Variants in WDR7 observed in about 807,000 individuals in gnomAD.
WDR7 encodes WD repeat-containing protein 7.
Under a neutral mutation model 169.4 loss-of-function variants are expected in WDR7, and 46 were observed. The ratio of observed to expected loss-of-function variants is 0.27; its 90% confidence interval spans 0.21 to 0.35. The LOEUF (loss-of-function observed/expected upper bound fraction) is 0.35. WDR7 is among the 10% of genes least tolerant of loss of function. WDR7 has a pLI of 1.00. For missense variants in WDR7, 1,534 were observed against 1,859.3 expected (o/e 0.83, Z 3.22); for synonymous variants, 612 against 666.8 (o/e 0.92, Z 1.27).
chr18:56,719,561 CAAAA>C (rs58285674), intron 13 of WDR7, among the ~76,000 whole-genome samples: 1 of 106,238 alleles, frequency 9.4e-6, no homozygotes, highest in Non-Finnish European at 1.8e-5. Flanking sequence ...GACTCTGTCT[CAAAA>C]AAAAAAAAAA....
chr18:56,956,521 C>T (rs375718555), intron 25 of WDR7, among the ~76,000 whole-genome samples: 128 of 152,182 alleles, frequency 8.4e-4, no homozygotes, highest in African/African-American at 2.9e-3. Context: ...TTTGTGGCCC[C>T]GAAAGAGCTC....
chr18:56,908,183 A>G (rs1387123483), intron 21 of WDR7, among the ~76,000 whole-genome samples: 2 of 152,212 alleles, frequency 1.3e-5, no homozygotes, highest in African/African-American at 4.8e-5. Context: ...AGACTTCGAG[A>G]GGAAGAAAAA....
At chr18:56,857,805 C>T (rs947171739) in intron 20 of WDR7, among the ~76,000 whole-genome samples, 1 of 152,054 alleles carries the variant, frequency 6.6e-6, no homozygotes, top group Admixed American at 6.6e-5. Flanking sequence ...AGTATGGGAG[C>T]CCAGAGGACC....
rs557005236 is a variant in WDR7, at chr18:56,814,021, C to A, written c.3191-2010C>A. ...ATGCTGTGATGTTCTGTGACACCTC[C>A]CACCCTGTCCCCAGGAGCTTAGTCC... On this transcript the variant is annotated intron_variant, in intron 19 of 27. Coordinates refer to ENST00000254442, the MANE Select transcript of WDR7 (RefSeq NM_015285.3). 2.0e-5 allele frequency among the ~76,000 whole-genome samples: 3 copies of A among 152,228 alleles called. No individual in the cohort carries two copies. In the East Asian group the frequency reaches 5.8e-4, roughly 29 times the overall value.
At chr18:56,995,062 A>G (rs188365879) in intron 26 of WDR7, among the ~76,000 whole-genome samples, 151 of 150,674 alleles carry the variant, frequency 1.0e-3, no homozygotes, top group African/African-American at 3.5e-3. Context: ...AATATGAGAG[A>G]AAAAAAACTT....
At chr18:56,860,635 C>T (rs989849010) in intron 20 of WDR7, among the ~76,000 whole-genome samples, 2 of 152,120 alleles carry the variant, frequency 1.3e-5, no homozygotes, top group Non-Finnish European at 2.9e-5. Flanking sequence ...AAGTATCATG[C>T]AGTTTAGGAA....
chr18:56,694,290 A>G (rs2025647625), intron 9 of WDR7, among the ~76,000 whole-genome samples: 1 of 151,752 alleles, frequency 6.6e-6, no homozygotes. Flanking sequence ...TAATTATTTA[A>G]TAATAGGCAG....
At chr18:56,832,807 C>T (rs917070130) in intron 20 of WDR7, among the ~76,000 whole-genome samples, 7 of 152,132 alleles carry the variant, frequency 4.6e-5, no homozygotes, top group Non-Finnish European at 1.0e-4. Context: ...ACAAAAAGAA[C>T]ACCCACACAA....
downstream of WDR7, chr18:57,030,057 A>G (rs984364224): frequency 1.3e-5 from 2 of 152,108 alleles, no homozygotes; most frequent in African/African-American, 4.8e-5. Context: ...ATGCTCCCAA[A>G]TAGACTGGTA....
chr18:56,885,512 C>T (rs897621927), intron 21 of WDR7, among the ~76,000 whole-genome samples: 32 of 151,774 alleles, frequency 2.1e-4, no homozygotes, highest in Admixed American at 1.1e-3. Flanking sequence ...GCAATAGAAT[C>T]GAACAAGCAG....
chr18:56,769,734 A>G (rs1223895106), intron 16 of WDR7, among the ~76,000 whole-genome samples: 2 of 152,214 alleles, frequency 1.3e-5, no homozygotes, highest in Non-Finnish European at 2.9e-5. Flanking sequence ...GTCTAAACTT[A>G]GAAGTAAGAG....
intron 26 of WDR7, among the ~76,000 whole-genome samples, chr18:56,995,504 C>T (rs1377829185): frequency 6.6e-6 from 1 of 152,186 alleles, no homozygotes; most frequent in Non-Finnish European, 1.5e-5. Flanking sequence ...TCAGTAAACA[C>T]TGCTGAGATT....
rs71863855 is a variant in WDR7, at chr18:56,749,386, T to TTGTGTG, written c.1990-7173_1990-7168dup. Among the ~76,000 whole-genome samples, 55 of 148,706 alleles carry TTGTGTG rather than the reference T, an allele frequency of 3.7e-4. 1 individual carries two copies. Among genetic ancestry groups the TTGTGTG allele is most frequent in the Middle Eastern group, 3.5e-3 (1 of 286 alleles). On this transcript the variant is annotated intron_variant, in intron 14 of 27. Coordinates refer to ENST00000254442, the MANE Select transcript of WDR7 (RefSeq NM_015285.3). ...AATATCTATAGAAGTGTGTGTGTGT[T>TTGTGTG]TGTGTGTGTGTGTGTGTGTGTGTGT... is the stretch of plus-strand genomic sequence containing the variant.
chr18:56,691,284 G>A lies in WDR7; in HGVS notation c.786G>A (p.Gly262=). 1 of 1,608,692 alleles carries A rather than the reference G, an allele frequency of 6.2e-7. No individual in the cohort carries two copies. Among genetic ancestry groups the A allele is most frequent in the Non-Finnish European group, 8.5e-7 (1 of 1,178,890 alleles). ...GPSENGQTWT[G]GDFVSSDKVI... ...GTGAAAATGGACAGACATGGACCGG[G>A]GGGGACTTTGTCTCATCAGATAAAG... The change falls in exon 8 of 28, where the codon GGG becomes GGA. Residue 262 remains glycine, a synonymous_variant. Transcript: ENST00000254442.
At chr18:56,819,175 C>T (rs1240801932) in intron 20 of WDR7, among the ~76,000 whole-genome samples, 1 of 152,084 alleles carries the variant, frequency 6.6e-6, no homozygotes, top group Non-Finnish European at 1.5e-5. Flanking sequence ...GCCTAGTAGC[C>T]TTTGTTAGCA....
chr18:56,681,158 G>A (rs1165692450), intron 3 of WDR7, among the ~76,000 whole-genome samples, 155 bp from the exon 4 acceptor site: 2 of 152,122 alleles, frequency 1.3e-5, no homozygotes, highest in South Asian at 2.1e-4. Flanking sequence ...GGTCGAGGGA[G>A]GACTGGAAAT....
chr18:56,721,923 T>C (rs2026331205), intron 13 of WDR7, among the ~76,000 whole-genome samples: 1 of 152,216 alleles, frequency 6.6e-6, no homozygotes, highest in Non-Finnish European at 1.5e-5. Flanking sequence ...ACACCATTAA[T>C]GCTTGACAAA....
chr18:56,989,413 G>T (rs1238018570), intron 26 of WDR7, among the ~76,000 whole-genome samples: 1 of 151,928 alleles, frequency 6.6e-6, no homozygotes, highest in South Asian at 2.1e-4. Flanking sequence ...TTCTTTGATG[G>T]TCTTTTTTAT....
chr18:56,752,720 C>T (rs1333295414), intron 14 of WDR7, among the ~76,000 whole-genome samples: 1 of 152,122 alleles, frequency 6.6e-6, no homozygotes, highest in East Asian at 1.9e-4. Context: ...GGATGCTTAA[C>T]TGTAGTATAG....
Sources: gnomAD v4.1 joint callset for allele counts (sites outside exome capture counted in the v4.1 genomes callset) on GRCh38, gnomAD v4.1.1 for gene constraint, MANE v1.5 for transcripts, NCBI Gene and HGNC (gene_info 2026-07-23, HGNC 2026-07-21) for gene names.